The following KDM4A variants were observed in gnomAD, a reference collection of about 807,000 sequenced individuals.
KDM4A encodes the protein lysine demethylase 4A.
Under a neutral mutation model 127.1 loss-of-function variants are expected in KDM4A, and 23 were observed. The observed-to-expected ratio is 0.18, with a 90% CI of 0.13 to 0.26. The LOEUF is 0.26. KDM4A is among the 10% of genes least tolerant of loss of function. The probability of loss-of-function intolerance (pLI) is 1.00; values close to 1 mark genes in which losing one functional copy is unlikely to be tolerated. For missense variants in KDM4A, 890 were observed against 1,329.1 expected, an observed-to-expected ratio of 0.67 and a Z score of 5.14; for synonymous variants, 443 against 466.5, an observed-to-expected ratio of 0.95 and a Z score of 0.65.
chr1:43,653,400 T>A, intron 2 of KDM4A, 87 bp downstream of exon 2: 2 of 1,336,720 alleles, frequency 1.5e-6, no homozygotes, highest in Non-Finnish European at 2.0e-6. Context: ...GAACTGTGTT[T>A]TACTGAAAGT....
chr1:43,668,049 C>T lies in KDM4A; in HGVS notation c.1163+30C>T, dbSNP rs200246932. ...CCCAGCAGCCCTTTTGTCCTGGCTGCGTGAGGGAGGGATGTCTGGGTAGGT... is the reference window on the plus strand; with the variant it reads ...CCCAGCAGCCCTTTTGTCCTGGCTGTGTGAGGGAGGGATGTCTGGGTAGGT... On this transcript the variant is annotated intron_variant, in intron 9 of 21. Coordinates refer to ENST00000372396, the MANE Select transcript of KDM4A (RefSeq NM_014663.3). 372 of 1,611,234 alleles carry T rather than the reference C, an allele frequency of 2.3e-4. 3 individuals carry two copies. Among genetic ancestry groups the T allele is most frequent in the Middle Eastern group, 2.0e-3 (11 of 5,454 alleles).
intron 1 of KDM4A, among the ~76,000 whole-genome samples, chr1:43,651,746 T>C (rs1298310940): frequency 2.0e-5 from 3 of 152,214 alleles, no homozygotes; most frequent in African/African-American, 7.2e-5. Context: ...CTTTGTCTTT[T>C]TTCAGTTGAG....
At chr1:43,660,971 AT>A (rs1382515268) in intron 4 of KDM4A, among the ~76,000 whole-genome samples, 4 of 150,974 alleles carry the variant, frequency 2.6e-5, no homozygotes, top group South Asian at 4.2e-4. Context: ...TTGTTTTCAT[AT>A]TTTAATTTTT....
At chr1:43,695,380 C>T (rs1278601382) in intron 18 of KDM4A, among the ~76,000 whole-genome samples, 3 of 152,102 alleles carry the variant, frequency 2.0e-5, no homozygotes, top group East Asian at 1.9e-4. Flanking sequence ...ATTGGGTAGA[C>T]GGTGGCATTT....
intron 4 of KDM4A, among the ~76,000 whole-genome samples, 154 bp downstream of exon 4, chr1:43,660,566 T>C (rs992207930): frequency 2.6e-5 from 4 of 152,222 alleles, no homozygotes; most frequent in Non-Finnish European, 4.4e-5. Flanking sequence ...GCTGGCCTAA[T>C]TGTGGGCCAT....
At chr1:43,665,791 G>A (rs1216730831) in intron 6 of KDM4A, 46 bp downstream of exon 6, 1 of 1,597,902 alleles carries the variant, frequency 6.3e-7, no homozygotes, top group Admixed American at 1.7e-5. Flanking sequence ...CCTATGAGCT[G>A]TGCTCCTTGC....
intron 11 of KDM4A, among the ~76,000 whole-genome samples, chr1:43,673,396 T>C (rs1377153258): frequency 6.6e-6 from 1 of 152,220 alleles, no homozygotes; most frequent in African/African-American, 2.4e-5. Flanking sequence ...TCATCATATA[T>C]ATGATTAACA....
At chr1:43,696,242 T>C (rs1480487839) in intron 18 of KDM4A, among the ~76,000 whole-genome samples, 1 of 152,112 alleles carries the variant, frequency 6.6e-6, no homozygotes, top group African/African-American at 2.4e-5. Context: ...TGGTGGTCAC[T>C]AAGTACCACA....
intron 3 of KDM4A, among the ~76,000 whole-genome samples, chr1:43,657,275 T>C (rs1230690401): frequency 6.6e-6 from 1 of 151,866 alleles, no homozygotes; most frequent in African/African-American, 2.4e-5. Context: ...TGATCTCGGC[T>C]CACTGCAGCC....
rs953086877 is a variant in KDM4A at position 43,668,048 on chromosome 1, G to C, written c.1163+29G>C. 5 of 1,611,780 alleles carry C rather than the reference G, an allele frequency of 3.1e-6. No individual in the cohort carries two copies. The African/African-American group carries it at 6.7e-5, about 22-fold the overall frequency. ...ACCCAGCAGCCCTTTTGTCCTGGCT[G>C]CGTGAGGGAGGGATGTCTGGGTAGG... On this transcript the variant is annotated intron_variant, in intron 9 of 21. Coordinates refer to ENST00000372396, the MANE Select transcript of KDM4A (RefSeq NM_014663.3).
rs1280481215 is a variant in KDM4A at position 43,694,716 on chromosome 1, T to A, written c.2492T>A (p.Ile831Asn). The A allele has an allele frequency of 6.2e-7, 1 of 1,608,740 alleles. No individual in the cohort carries two copies. Among genetic ancestry groups the A allele is most frequent in the African/African-American group, 1.3e-5 (1 of 74,814 alleles). Residue 831 changes from isoleucine to asparagine, a missense_variant, in exon 18 of 22, where the codon ATC becomes AAC. Transcript: ENST00000372396. The surrounding 1 kb of genome is among the most constrained non-coding windows in gnomAD (Gnocchi z 5.2). ...TCTTCCCCTGTGCTACAGAAATGTA[T>A]CTTCTGTAAGAAGCGGAGGAAAAGA... ...IPLPRFKLKC[I>N]FCKKRRKRTA...
intron 5 of KDM4A, 86 bp from the exon 6 acceptor site, chr1:43,665,610 T>A: frequency 7.9e-7 from 1 of 1,268,946 alleles, no homozygotes; most frequent in Non-Finnish European, 1.1e-6. Flanking sequence ...AATCTGCTAT[T>A]TCAAGGTGTT....
chr1:43,652,679 CTTTTTTTTTTT>C (rs771216218), intron 1 of KDM4A, among the ~76,000 whole-genome samples: 3 of 118,770 alleles, frequency 2.5e-5, no homozygotes, highest in Non-Finnish European at 5.3e-5. Context: ...TTCTTTCTTT[CTTTTTTTTTTT>C]TTTTTTTTGA....
Position 43,653,142 on chromosome 1 carries a change from T to C in KDM4A, c.-34T>C, listed in dbSNP as rs181842715. Reference sequence around the variant, plus strand: ...CTCTTAATGTGTTTCTTCAGATTCCTGTCTGACTAAAGGGACCTCAAAAAG... The same window carrying C: ...CTCTTAATGTGTTTCTTCAGATTCCCGTCTGACTAAAGGGACCTCAAAAAG... On this transcript the variant is annotated 5_prime_UTR_variant, in exon 2 of 22. Transcript: ENST00000372396. 2.9e-5 allele frequency: 46 copies of C among 1,576,784 alleles called. No homozygotes were observed. The East Asian group carries it at 9.7e-4, about 33-fold the overall frequency.
intron 11 of KDM4A, among the ~76,000 whole-genome samples, chr1:43,677,646 G>C (rs1660771926): frequency 6.6e-6 from 1 of 152,112 alleles, no homozygotes; most frequent in Non-Finnish European, 1.5e-5. Flanking sequence ...CCAGTAAAGG[G>C]TTTTTTAAGT....
intron 11 of KDM4A, among the ~76,000 whole-genome samples, chr1:43,677,920 A>G: frequency 6.6e-6 from 1 of 152,276 alleles, no homozygotes; most frequent in Non-Finnish European, 1.5e-5. Flanking sequence ...CTTTAGTCTG[A>G]GAGAGAGGTA....
Position 43,663,016 on chromosome 1 carries a change from C to T in KDM4A, c.552C>T (p.Ser184=). 6.2e-7 allele frequency: 1 copy of T among 1,614,196 alleles called. No homozygotes were observed. The highest frequency in any genetic ancestry group is 8.5e-7 in the Non-Finnish European group (1 of 1,180,016). ...PYLYFGMWKT[S]FAWHTEDMDL... ...TGTACTTTGGCATGTGGAAGACATC[C>T]TTTGCTTGGCACACTGAAGACATGG... Residue 184 remains serine, a synonymous_variant, in exon 5 of 22, where the codon TCC becomes TCT. Coordinates refer to ENST00000372396, the MANE Select transcript of KDM4A (RefSeq NM_014663.3).
chr1:43,653,000 A>C, intron 1 of KDM4A, 137 bp from the exon 2 acceptor site: 2 of 452,948 alleles, frequency 4.4e-6, no homozygotes, highest in Non-Finnish European at 3.6e-6. Flanking sequence ...TAACTTTTCT[A>C]GAGGTAGATT....
chr1:43,652,680 T>TTTCTTTC (rs199659180), intron 1 of KDM4A, among the ~76,000 whole-genome samples: 4 of 69,184 alleles, frequency 5.8e-5, no homozygotes, highest in African/African-American at 1.8e-4. Context: ...TCTTTCTTTC[T>TTTCTTTC]TTTTTTTTTT....
Sources: gnomAD v4.1 joint callset for allele counts (sites outside exome capture counted in the v4.1 genomes callset) on GRCh38, gnomAD v4.1.1 for gene constraint, Gnocchi (gnomAD v3.1) non-coding constraint, MANE v1.5 for transcripts, NCBI Gene and HGNC (gene_info 2026-07-23, HGNC 2026-07-21) for gene names.